The following UNC13B variants were observed in gnomAD, a reference collection of about 807,000 sequenced individuals.
UNC13B encodes the protein protein unc-13 homolog B.
In UNC13B, 144 loss-of-function variants were observed where a neutral mutation model predicts 211.0. The ratio of observed to expected loss-of-function variants is 0.68; its 90% CI spans 0.60 to 0.78. UNC13B has a LOEUF of 0.78. UNC13B is among the 30% of genes least tolerant of loss of function. The pLI is 0.00. For synonymous variants in UNC13B, 709 were observed against 725.8 expected, an observed-to-expected ratio of 0.98 and a Z score of 0.37; for missense variants, 1,777 against 2,002.0, an observed-to-expected ratio of 0.89 and a Z score of 2.14.
chr9:35,223,955 G>A (rs1244725818), intron 1 of UNC13B, among the ~76,000 whole-genome samples: 1 of 152,092 alleles, frequency 6.6e-6, no homozygotes, highest in Non-Finnish European at 1.5e-5. Context: ...AAATCAATTG[G>A]CTGTAAATAC....
intron 1 of UNC13B, among the ~76,000 whole-genome samples, chr9:35,185,464 G>A (rs1822305515): frequency 6.6e-6 from 1 of 152,172 alleles, no homozygotes; most frequent in Admixed American, 6.6e-5. Flanking sequence ...ATTCTGCCAA[G>A]TTGTTCTCTG....
At chr9:35,200,631 C>T (rs912045970) in intron 1 of UNC13B, among the ~76,000 whole-genome samples, 2 of 152,094 alleles carry the variant, frequency 1.3e-5, no homozygotes, top group South Asian at 2.1e-4. Context: ...ATTTGGCTTA[C>T]TGTTTGTCTG....
intron 1 of UNC13B, among the ~76,000 whole-genome samples, chr9:35,186,790 C>T (rs1822384229): frequency 6.6e-6 from 1 of 152,102 alleles, no homozygotes; most frequent in Non-Finnish European, 1.5e-5. Flanking sequence ...AATGAACTTT[C>T]CCCTTGTCTG....
At chr9:35,188,010 C>A (rs1822454208) in intron 1 of UNC13B, among the ~76,000 whole-genome samples, 2 of 152,092 alleles carry the variant, frequency 1.3e-5, no homozygotes, top group Non-Finnish European at 2.9e-5. Flanking sequence ...TTATTAAAGG[C>A]CATAAGTAGT....
intron 6 of UNC13B, among the ~76,000 whole-genome samples, chr9:35,246,422 G>A (rs919063009): frequency 2.6e-5 from 4 of 152,104 alleles, no homozygotes; most frequent in African/African-American, 9.7e-5. Context: ...TGAAGTCCTT[G>A]CCCATGCCTA....
chr9:35,403,210 G>A lies in UNC13B; in HGVS notation c.12528G>A (p.Val4176=). The A allele has an allele frequency of 1.2e-6, 2 of 1,614,108 alleles. No homozygotes were observed. Among genetic ancestry groups the A allele is most frequent in the Non-Finnish European group, 8.5e-7 (1 of 1,180,020 alleles). Residue 4176 remains valine, a synonymous_variant, in exon 38 of 40, where the codon GTG becomes GTA. Transcript: ENST00000635942. ...DDPVGEVSIQ[V]DLFTHPGTGE... ...CTGTGGGAGAAGTCTCTATTCAGGT[G>A]GACTTGTTTACACACCCTGGTACTG... is the stretch of plus-strand genomic sequence containing the variant.
chr9:35,288,985 G>T (rs1828942439), intron 7 of UNC13B, among the ~76,000 whole-genome samples: 1 of 134,564 alleles, frequency 7.4e-6, no homozygotes, highest in African/African-American at 2.7e-5. Context: ...AGTTGCTATG[G>T]CAACTGTTCT....
chr9:35,172,639 A>C (rs974587786), intron 1 of UNC13B, among the ~76,000 whole-genome samples: 1 of 152,232 alleles, frequency 6.6e-6, no homozygotes, highest in African/African-American at 2.4e-5. Flanking sequence ...TATAAAGTAC[A>C]TTAAAAAATT....
chr9:35,245,909 C>T (rs990092955), intron 6 of UNC13B, among the ~76,000 whole-genome samples: 1 of 152,110 alleles, frequency 6.6e-6, no homozygotes, highest in Non-Finnish European at 1.5e-5. Flanking sequence ...AGTTCTAGAT[C>T]CCTGAGGAAT....
intron 3 of UNC13B, 33 bp from the exon 4 acceptor site, chr9:35,236,436 G>A: frequency 6.4e-7 from 1 of 1,556,674 alleles, no homozygotes; most frequent in Non-Finnish European, 8.9e-7. Context: ...ATATTGTCTA[G>A]CTTTCCTCAA....
intron 2 of UNC13B, among the ~76,000 whole-genome samples, chr9:35,230,173 A>G (rs1030712925): frequency 6.6e-6 from 1 of 152,122 alleles, no homozygotes; most frequent in Non-Finnish European, 1.5e-5. Context: ...CAACTCTGTG[A>G]TAATATTTCT....
intron 6 of UNC13B, among the ~76,000 whole-genome samples, chr9:35,250,750 G>T (rs778400077): frequency 6.6e-6 from 1 of 152,036 alleles, no homozygotes; most frequent in Non-Finnish European, 1.5e-5. Flanking sequence ...TTCCAAAGTG[G>T]CTATGACATT....
At chr9:35,378,238 G>A (rs1428184732) in intron 16 of UNC13B, 57 bp from the exon 17 acceptor site, 16 of 1,608,652 alleles carry the variant, frequency 9.9e-6, no homozygotes, top group Non-Finnish European at 1.4e-5. Flanking sequence ...CATATGAGTA[G>A]TGTTGTGGGG....
At chr9:35,231,240 G>C in intron 3 of UNC13B, 21 bp downstream of exon 3, 1 of 1,455,812 alleles carries the variant, frequency 6.9e-7, no homozygotes, top group Non-Finnish European at 9.6e-7. Context: ...TGCAGCAGCA[G>C]TGTGCCTACA....
At chr9:35,201,871 C>T (rs191496761) in intron 1 of UNC13B, among the ~76,000 whole-genome samples, 70 of 152,022 alleles carry the variant, frequency 4.6e-4, no homozygotes, top group Middle Eastern at 3.4e-3. Context: ...TATTTCTTGC[C>T]TTCTGCTAGC....
rs1829952424 is a variant in UNC13B, at chr9:35,306,905, G to GC, written c.7501_7502insC (p.Val2501AlafsTer9). 2.5e-6 allele frequency: 1 copy of GC among 398,836 alleles called. No individual in the cohort carries two copies. The highest frequency in any genetic ancestry group is 2.1e-5 in the African/African-American group (1 of 48,594). 24.7% of individuals were successfully genotyped at this position (398,836 alleles called of 1,614,324 possible). On this transcript the variant is annotated frameshift_variant, in exon 9 of 40. Coordinates refer to ENST00000635942, the MANE Select transcript of UNC13B (RefSeq NM_001371189.2). LOFTEE classifies it high-confidence loss of function. ...CTCCTTTTTCTCTCTTGCTTCTGAT[G>GC]TATCATCTCAGCCCCTCAAAGGTGA...
At chr9:35,199,940 C>A (rs936913256) in intron 1 of UNC13B, among the ~76,000 whole-genome samples, 4 of 152,110 alleles carry the variant, frequency 2.6e-5, no homozygotes, top group African/African-American at 9.7e-5. Flanking sequence ...AATGGTATTG[C>A]CTAGGTTTTC....
intron 2 of UNC13B, among the ~76,000 whole-genome samples, chr9:35,228,703 AGTGTGTGTGT>A (rs56971215): frequency 0.22 from 31,495 of 140,506 alleles, 3,327 homozygotes; most frequent in East Asian, 0.34. Context: ...ACATCATGAA[AGTGTGTGTGT>A]GTGTGTGTGT....
At chr9:35,246,279 A>T (rs1464878217) in intron 6 of UNC13B, among the ~76,000 whole-genome samples, 2 of 151,464 alleles carry the variant, frequency 1.3e-5, no homozygotes, top group Non-Finnish European at 2.9e-5. Context: ...GATTGCAAAA[A>T]TTTTCTCCCA....
Sources: gnomAD v4.1 joint callset for allele counts (sites outside exome capture counted in the v4.1 genomes callset) on GRCh38, gnomAD v4.1.1 for gene constraint, MANE v1.5 for transcripts, NCBI Gene and HGNC (gene_info 2026-07-23, HGNC 2026-07-21) for gene names.